Variants in EPHA7 observed in about 807,000 individuals in gnomAD.
The protein encoded by EPHA7 is ephrin type-A receptor 7.
Under a neutral mutation model 112.6 loss-of-function variants are expected in EPHA7, and 25 were observed. The observed-to-expected ratio is 0.22, with a 90% CI of 0.16 to 0.31. The LOEUF is 0.31. Ranked by LOEUF, EPHA7 falls within the 10% of genes least tolerant of loss-of-function variation. The pLI is 1.00. For synonymous variants in EPHA7, 437 were observed against 406.5 expected (o/e 1.07, Z -0.90); for missense variants, 962 against 1,212.6 (o/e 0.79, Z 3.07).
At chr6:93,295,040 GGA>G (rs1270900976) in intron 5 of EPHA7, among the ~76,000 whole-genome samples, 1 of 151,620 alleles carries the variant, frequency 6.6e-6, no homozygotes, top group Non-Finnish European at 1.5e-5. Context: ...AGATGAAAAG[GGA>G]GAGAGAGAAA....
At chr6:93,316,508 T>A (rs1418274450) in intron 5 of EPHA7, among the ~76,000 whole-genome samples, 1 of 152,170 alleles carries the variant, frequency 6.6e-6, no homozygotes, top group East Asian at 1.9e-4. Context: ...AATTATAGAA[T>A]TTCTAGATAG....
rs79003746 is a variant in EPHA7 at position 93,264,521 on chromosome 6, A to G, written c.1742+73T>C. ...TTACTATTTAAAATTTTATTACACT[A>G]AGTAATAGGCTGACATAATTCTTAA... On this transcript the variant is annotated intron_variant, in intron 8 of 16. Coordinates refer to ENST00000369303, the MANE Select transcript of EPHA7 (RefSeq NM_004440.4). The G allele has an allele frequency of 9.1e-3, 8,126 of 895,364 alleles. 460 individuals carry two copies. The African/African-American group carries it at 0.12, about 13-fold the overall frequency. The allele number at this position is 895,364 out of a possible 1,614,324, so 55.5% of individuals were successfully genotyped here.
chr6:93,335,173 A>G (rs1774802630), intron 5 of EPHA7, among the ~76,000 whole-genome samples: 1 of 152,150 alleles, frequency 6.6e-6, no homozygotes, highest in Non-Finnish European at 1.5e-5. Context: ...TTAACAGACC[A>G]GAATGTATCC....
intron 5 of EPHA7, among the ~76,000 whole-genome samples, chr6:93,287,285 T>C (rs1252207460): frequency 6.6e-6 from 1 of 152,092 alleles, no homozygotes; most frequent in African/African-American, 2.4e-5. Flanking sequence ...TGAAAAAAAT[T>C]GTCCATATTC....
intron 5 of EPHA7, among the ~76,000 whole-genome samples, chr6:93,297,867 ACCTGAGTTAG>A (rs1442687004): frequency 6.6e-6 from 1 of 152,114 alleles, no homozygotes; most frequent in Non-Finnish European, 1.5e-5. Context: ...TCTCCAAAAT[ACCTGAGTTAG>A]CCCTTATTTC....
chr6:93,285,255 T>C (rs1284267346), intron 5 of EPHA7, among the ~76,000 whole-genome samples: 2 of 152,216 alleles, frequency 1.3e-5, no homozygotes, highest in Non-Finnish European at 2.9e-5. Flanking sequence ...TAATTTACTA[T>C]ATAATATTTT....
At chr6:93,308,268 G>T (rs1304679490) in intron 5 of EPHA7, among the ~76,000 whole-genome samples, 1 of 152,138 alleles carries the variant, frequency 6.6e-6, no homozygotes, top group Non-Finnish European at 1.5e-5. Flanking sequence ...TTTCTCTGTG[G>T]TTTGATGATT....
At chr6:93,412,315 G>GT (rs3839554) in intron 2 of EPHA7, among the ~76,000 whole-genome samples, 87,005 of 151,734 alleles carry the variant, frequency 0.57, 26,606 homozygotes, top group African/African-American at 0.79. Flanking sequence ...TAAAAATCAT[G>GT]GGTAAATACT....
intron 3 of EPHA7, among the ~76,000 whole-genome samples, chr6:93,393,087 A>C (rs919521001): frequency 6.6e-5 from 10 of 151,896 alleles, no homozygotes; most frequent in African/African-American, 2.2e-4. Flanking sequence ...ACTTTGAATA[A>C]GGGTGCTTCA....
chr6:93,412,559 T>C (rs1260206524), intron 2 of EPHA7, among the ~76,000 whole-genome samples: 1 of 152,076 alleles, frequency 6.6e-6, no homozygotes, highest in Non-Finnish European at 1.5e-5. Flanking sequence ...TGTTCAGCTT[T>C]TACTCAGTTC....
chr6:93,294,005 C>A (rs1335060184), intron 5 of EPHA7, among the ~76,000 whole-genome samples: 1 of 152,144 alleles, frequency 6.6e-6, no homozygotes, highest in Non-Finnish European at 1.5e-5. Context: ...TCCCGCTATT[C>A]ATCTATGCTG....
Position 93,354,429 on chromosome 6 carries a change from A to G in EPHA7, c.1324+2288T>C, listed in dbSNP as rs1228314691. 1.2e-4 allele frequency among the ~76,000 whole-genome samples: 18 copies of G among 152,126 alleles called. No homozygotes were observed. The East Asian group carries it at 3.5e-3, about 29-fold the overall frequency. On this transcript the variant is annotated intron_variant, in intron 5 of 16. Coordinates refer to ENST00000369303, the MANE Select transcript of EPHA7 (RefSeq NM_004440.4). ...ACAAAACTGCAAACCTAGTTTTTTAACCTTTATTTATGTTTATGTTATTTA... is the reference window on the plus strand; with the variant it reads ...ACAAAACTGCAAACCTAGTTTTTTAGCCTTTATTTATGTTTATGTTATTTA...
chr6:93,292,490 A>G (rs1438786218), intron 5 of EPHA7, among the ~76,000 whole-genome samples: 1 of 152,132 alleles, frequency 6.6e-6, no homozygotes, highest in Non-Finnish European at 1.5e-5. Flanking sequence ...TTTGTATTGA[A>G]AAGTTGTGTT....
rs979810214 is a variant in EPHA7, at chr6:93,406,889, A to C, written c.832+3612T>G. ...GGATCTCTCAATTTTTAAAATAACT[A>C]TACTTTTTATCTAAGAAAATGTATT... On this transcript the variant is annotated intron_variant, in intron 3 of 16. Transcript: ENST00000369303. Among the ~76,000 whole-genome samples the C allele has an allele frequency of 4.6e-5, 7 of 152,070 alleles. No homozygotes were observed. In the East Asian group the frequency reaches 1.4e-3, roughly 29 times the overall value.
At chr6:93,283,114 A>G (rs961597267) in intron 5 of EPHA7, among the ~76,000 whole-genome samples, 90 of 152,124 alleles carry the variant, frequency 5.9e-4, no homozygotes, top group Non-Finnish European at 2.1e-4. Context: ...TAGCTAAGGG[A>G]TTGTGAATGC....
chr6:93,295,494 G>T (rs1388860062), intron 5 of EPHA7, among the ~76,000 whole-genome samples: 1 of 150,976 alleles, frequency 6.6e-6, no homozygotes, highest in Non-Finnish European at 1.5e-5. Context: ...ATATATAATA[G>T]ATATTTCTTT....
At chr6:93,347,874 CA>C (rs1775480413) in intron 5 of EPHA7, among the ~76,000 whole-genome samples, 1 of 151,418 alleles carries the variant, frequency 6.6e-6, no homozygotes, top group African/African-American at 2.4e-5. Flanking sequence ...TGGGTTATTG[CA>C]AAAAATGAAC....
At chr6:93,376,096 C>G (rs995858) in intron 3 of EPHA7, among the ~76,000 whole-genome samples, 14,420 of 152,112 alleles carry the variant, frequency 0.095, 889 homozygotes, top group East Asian at 0.3. Context: ...CACTGCTATA[C>G]TGTCACCAGT....
intron 1 of EPHA7, among the ~76,000 whole-genome samples, chr6:93,417,797 G>C (rs559215657): frequency 1.3e-5 from 2 of 151,962 alleles, no homozygotes; most frequent in Admixed American, 1.3e-4. Context: ...ACGCGTAACC[G>C]CCAGCTTGGA....
Sources: gnomAD v4.1 joint callset for allele counts (sites outside exome capture counted in the v4.1 genomes callset) on GRCh38, gnomAD v4.1.1 for gene constraint, MANE v1.5 for transcripts, NCBI Gene and HGNC (gene_info 2026-07-23, HGNC 2026-07-21) for gene names.